ANKRD6: variants seen among roughly 807,000 people sequenced by gnomAD.
The protein encoded by ANKRD6 is ankyrin repeat domain 6.
A neutral mutation model predicts 82.3 loss-of-function variants in ANKRD6; 56 were observed. The ratio of observed to expected loss-of-function variants is 0.68; its 90% CI spans 0.55 to 0.85. The LOEUF (loss-of-function observed/expected upper bound fraction) is 0.85, where lower values mean the gene tolerates loss of function less well. ANKRD6 is among the 40% of genes least tolerant of loss of function. ANKRD6 has a pLI of 0.00. For synonymous variants in ANKRD6, 347 were observed against 352.1 expected, an observed-to-expected ratio of 0.99 and a Z score of 0.16; for missense variants, 852 against 907.6, an observed-to-expected ratio of 0.94 and a Z score of 0.79.
Position 89,539,741 on chromosome 6 carries a change from C to CTTT in ANKRD6, c.-143-27082_-143-27080dup, listed in dbSNP as rs570865099. 6.2e-3 allele frequency among the ~76,000 whole-genome samples: 885 copies of CTTT among 142,678 alleles called. 20 individuals are homozygous for CTTT. Among genetic ancestry groups the CTTT allele is most frequent in the African/African-American group, 0.021 (834 of 39,022 alleles). 93.6% of individuals were successfully genotyped at this position (142,678 alleles called of 152,430 possible). On this transcript the variant is annotated intron_variant, in intron 1 of 15. Coordinates refer to ENST00000339746, the MANE Select transcript of ANKRD6 (RefSeq NM_001242809.2). Reference sequence around the variant, plus strand: ...GTGCTATCAAATAGTAGGTCTTATTCTTTTTTTTTTTTTACACCCATTAGC... The same window carrying CTTT: ...GTGCTATCAAATAGTAGGTCTTATTCTTTTTTTTTTTTTTTTACACCCATTAGC...
At chr6:89,517,834 G>A (rs916106093) in intron 1 of ANKRD6, among the ~76,000 whole-genome samples, 1 of 152,186 alleles carries the variant, frequency 6.6e-6, no homozygotes, top group Admixed American at 6.5e-5. Context: ...TAATGGGATG[G>A]GAGTAGCCAC....
At chr6:89,614,838 G>GAAA (rs5878102) in intron 7 of ANKRD6, among the ~76,000 whole-genome samples, 1 of 130,428 alleles carries the variant, frequency 7.7e-6, no homozygotes, top group Non-Finnish European at 1.6e-5. Context: ...CTCTTTAAAG[G>GAAA]AAAAAAAAAA....
chr6:89,585,033 G>A (rs971173767), intron 2 of ANKRD6, among the ~76,000 whole-genome samples: 1 of 152,050 alleles, frequency 6.6e-6, no homozygotes, highest in Non-Finnish European at 1.5e-5. Flanking sequence ...ATACCATCAC[G>A]TTGAAAGTTA....
At chr6:89,618,149 G>T (rs777369885) in intron 9 of ANKRD6, 118 bp downstream of exon 9, 2 of 1,168,276 alleles carry the variant, frequency 1.7e-6, no homozygotes, top group Non-Finnish European at 2.6e-6. Flanking sequence ...ATGTAACCAG[G>T]CAGTGGAGGT....
intron 1 of ANKRD6, among the ~76,000 whole-genome samples, chr6:89,488,864 CGATCT>C (rs1777676893): frequency 9.0e-6 from 1 of 111,666 alleles, no homozygotes; most frequent in Admixed American, 8.8e-5. Flanking sequence ...CAAAATATAT[CGATCT>C]ATTCTATTCT....
rs186064807 is a variant in ANKRD6, at chr6:89,464,561, C to A, written c.-144+31186C>A. ...AAAAGATTCTGTGTTCTTGCCTATT[C>A]ACATGTGACCCACCAGAGTTTGTCA... On this transcript the variant is annotated intron_variant, in intron 1 of 15. Transcript: ENST00000339746. 9.2e-5 allele frequency among the ~76,000 whole-genome samples: 14 copies of A among 152,336 alleles called. No individual in the cohort carries two copies. In the East Asian group the frequency reaches 2.7e-3, roughly 29 times the overall value.
chr6:89,493,679 G>T (rs978043209), intron 1 of ANKRD6, among the ~76,000 whole-genome samples: 10 of 152,066 alleles, frequency 6.6e-5, no homozygotes, highest in African/African-American at 1.9e-4. Context: ...TCCCAAAAAA[G>T]TGCTGGAATT....
At chr6:89,445,235 G>A (rs1396988396) in intron 1 of ANKRD6, among the ~76,000 whole-genome samples, 1 of 116,872 alleles carries the variant, frequency 8.6e-6, no homozygotes, top group Non-Finnish European at 1.8e-5. Context: ...ATGAAAAATT[G>A]TTTCGGTGAT....
intron 1 of ANKRD6, among the ~76,000 whole-genome samples, chr6:89,454,221 A>G (rs186065588): frequency 2.0e-5 from 3 of 152,182 alleles, no homozygotes; most frequent in Non-Finnish European, 2.9e-5. Flanking sequence ...GTGCACATCT[A>G]GAGTCTTCGC....
chr6:89,537,548 C>T (rs1229041243), intron 1 of ANKRD6, among the ~76,000 whole-genome samples: 4 of 151,864 alleles, frequency 2.6e-5, no homozygotes, highest in East Asian at 1.9e-4. Context: ...ATGCTCTGAG[C>T]GGCTGCCTAG....
chr6:89,557,922 T>C (rs1786845229), intron 1 of ANKRD6, among the ~76,000 whole-genome samples: 1 of 152,026 alleles, frequency 6.6e-6, no homozygotes, highest in East Asian at 1.9e-4. Flanking sequence ...TGGAACTATC[T>C]AGTTGCAGGA....
At chr6:89,439,523 A>G (rs1167707902) in intron 1 of ANKRD6, among the ~76,000 whole-genome samples, 1 of 152,200 alleles carries the variant, frequency 6.6e-6, no homozygotes, top group Non-Finnish European at 1.5e-5. Flanking sequence ...TTAAAGGATT[A>G]CAAGATCATG....
chr6:89,629,632 A>C (rs1806900588), intron 15 of ANKRD6, among the ~76,000 whole-genome samples: 1 of 152,016 alleles, frequency 6.6e-6, no homozygotes, highest in Admixed American at 6.6e-5. Context: ...TCTGCCTTTT[A>C]CTTTTGTCCA....
At position 89,633,219 on chromosome 6, in the gene ANKRD6, T is replaced by C. The variant is rs1328813640; in HGVS notation, c.*2215T>C. The C allele has an allele frequency of 6.6e-6, 1 of 152,108 alleles. No individual in the cohort carries two copies. The highest frequency in any genetic ancestry group is 2.4e-5 in the African/African-American group (1 of 41,434). The allele number at this position is 152,108 out of a possible 1,614,324, so 9.4% of individuals were successfully genotyped here. On this transcript the variant is annotated 3_prime_UTR_variant, in exon 16 of 16. Transcript: ENST00000339746. ...GGTCTGTCGTAGAAGAAGAAACAAA[T>C]AGAGGTGATGAAGACACAGAACAGG...
At chr6:89,559,109 A>C (rs779081180) in intron 1 of ANKRD6, among the ~76,000 whole-genome samples, 1 of 152,192 alleles carries the variant, frequency 6.6e-6, no homozygotes, top group Non-Finnish European at 1.5e-5. Context: ...CTCCATCACA[A>C]GTGTAAGATG....
At chr6:89,554,019 T>G (rs1583246948) in intron 1 of ANKRD6, among the ~76,000 whole-genome samples, 1 of 151,596 alleles carries the variant, frequency 6.6e-6, no homozygotes, top group African/African-American at 2.4e-5. Flanking sequence ...GATGGGGGGG[T>G]GTGAGTGACT....
chr6:89,544,858 G>A (rs1309990646), intron 1 of ANKRD6, among the ~76,000 whole-genome samples: 1 of 152,134 alleles, frequency 6.6e-6, no homozygotes, highest in Admixed American at 6.5e-5. Flanking sequence ...AGAAGTAGCT[G>A]CCTCAGATGA....
In ANKRD6 at chr6:89,623,870, A is replaced by T. The variant is rs1804599392; in HGVS notation, c.1033-2A>T. 6.2e-7 allele frequency: 1 copy of T among 1,611,338 alleles called. No individual in the cohort carries two copies. Among genetic ancestry groups the T allele is most frequent in the Non-Finnish European group, 8.5e-7 (1 of 1,178,760 alleles). ...GGGGTGTTGTCTCTTCCTCTCTTACAGGTGTCAGCATTTTCTGACCCCACC... is the reference window on the plus strand; with the variant it reads ...GGGGTGTTGTCTCTTCCTCTCTTACTGGTGTCAGCATTTTCTGACCCCACC... On this transcript the variant is annotated splice_acceptor_variant, in intron 11 of 15. Coordinates refer to ENST00000339746, the MANE Select transcript of ANKRD6 (RefSeq NM_001242809.2). LOFTEE classifies it high-confidence loss of function.
intron 1 of ANKRD6, among the ~76,000 whole-genome samples, chr6:89,490,064 T>C (rs6942317): frequency 0.065 from 9,889 of 152,278 alleles, 359 homozygotes; most frequent in South Asian, 0.14. Context: ...TTTTATTTTT[T>C]CCAATGGCAT....
Sources: allele counts gnomAD v4.1 joint callset (sites outside exome capture counted in the v4.1 genomes callset), GRCh38; gene constraint gnomAD v4.1.1; transcripts MANE v1.5; gene names NCBI Gene and HGNC (gene_info 2026-07-23, HGNC 2026-07-21).